Variants in LRP2 observed in about 807,000 individuals in gnomAD.
LRP2 encodes low-density lipoprotein receptor-related protein 2.
In LRP2, 172 loss-of-function variants were observed where a neutral mutation model predicts 531.0. The observed-to-expected ratio is 0.32, with a 90% CI of 0.29 to 0.37. LRP2 has a LOEUF of 0.37. Among genes scored for constraint, LRP2 ranks in the 10% least tolerant of loss-of-function variants. The pLI is 1.00. For synonymous variants in LRP2, 1,992 were observed against 2,027.6 expected, an observed-to-expected ratio of 0.98 and a Z score of 0.47; for missense variants, 5,167 against 5,868.3, an observed-to-expected ratio of 0.88 and a Z score of 3.90.
In LRP2 at chr2:169,127,534, A is replaced by AAT. The variant is rs1685139389; in HGVS notation, c.*1128_*1129insAT. On this transcript the variant is annotated 3_prime_UTR_variant, in exon 79 of 79. Coordinates refer to ENST00000649046, the MANE Select transcript of LRP2 (RefSeq NM_004525.3). ...GGCAATATAGCAAGACTCCATCTCT[A>AAT]AAAAAAAAAAAAAAAAAAAAACCAA... The AAT allele has an allele frequency of 2.1e-4, 1 of 4,838 alleles. No homozygotes were observed. The highest frequency in any genetic ancestry group is 4.5e-4 in the Non-Finnish European group (1 of 2,236). 0.3% of individuals were successfully genotyped at this position (4,838 alleles called of 1,614,324 possible). A position where few individuals can be genotyped will look rare whatever the true frequency, so the allele number is the denominator to read the frequency against.
chr2:169,270,813 A>T (rs1195398144), intron 16 of LRP2, 91 bp downstream of exon 16: 1 of 645,056 alleles, frequency 1.6e-6, no homozygotes, highest in African/African-American at 1.9e-5. Context: ...AAAATTAGAT[A>T]CTGAGTTTTA....
intron 1 of LRP2, among the ~76,000 whole-genome samples, chr2:169,333,541 C>A (rs1371829800): frequency 6.6e-6 from 1 of 151,394 alleles, no homozygotes; most frequent in Non-Finnish European, 1.5e-5. Context: ...AGGGAGGGGG[C>A]TACAAGAGTA....
chr2:169,279,672 A>C lies in LRP2; in HGVS notation c.1342-77T>G. 3.4e-6 allele frequency: 3 copies of C among 877,462 alleles called. No individual in the cohort carries two copies. The Admixed American group carries it at 6.4e-5, about 19-fold the overall frequency. 54.4% of individuals were successfully genotyped at this position (877,462 alleles called of 1,614,324 possible). A position where few individuals can be genotyped will look rare whatever the true frequency, so the allele number is the denominator to read the frequency against. On this transcript the variant is annotated intron_variant, in intron 11 of 78. Transcript: ENST00000649046. Reference sequence around the variant, plus strand: ...GTTTGTTTTGATTTTTTTTAGCTATAATCAAATCAGAAGTGCTAAAAATCT... The same window carrying C: ...GTTTGTTTTGATTTTTTTTAGCTATCATCAAATCAGAAGTGCTAAAAATCT...
intron 31 of LRP2, 133 bp from the exon 32 acceptor site, chr2:169,226,721 G>T: frequency 1.4e-6 from 1 of 738,542 alleles, no homozygotes. Context: ...TAAATATAAT[G>T]TACTTCATCA....
chr2:169,222,588 T>C (rs1689058688), intron 33 of LRP2, among the ~76,000 whole-genome samples: 1 of 152,228 alleles, frequency 6.6e-6, no homozygotes, highest in African/African-American at 2.4e-5. Flanking sequence ...AAACCTCAGA[T>C]AGTACTGAAT....
chr2:169,205,608 T>C lies in LRP2; in HGVS notation c.7586A>G (p.His2529Arg), dbSNP rs139696516. 150 of 1,613,758 alleles carry C rather than the reference T, an allele frequency of 9.3e-5. No individual in the cohort carries two copies. The Middle Eastern group carries it at 9.9e-4, about 11-fold the overall frequency. ...GYLYWADWDT[H>R]AKIERATLGG... ...CAATGTGGCTCTCTCGATTTTGGCATGTGTATCCCAGTCAGCCCAGTACAG... is the reference window on the plus strand; with the variant it reads ...CAATGTGGCTCTCTCGATTTTGGCACGTGTATCCCAGTCAGCCCAGTACAG... Residue 2529 changes from histidine (H) to arginine (R), a missense_variant, in exon 41 of 79, where the codon CAT (histidine) becomes CGT (arginine). Coordinates refer to ENST00000649046, the MANE Select transcript of LRP2 (RefSeq NM_004525.3).
At chr2:169,225,228 C>A in intron 33 of LRP2, 82 bp downstream of exon 33, 1 of 1,430,454 alleles carries the variant, frequency 7.0e-7, no homozygotes, top group South Asian at 1.2e-5. Flanking sequence ...ATTCCAAAAT[C>A]CACGTGAGAT....
At chr2:169,186,176 G>A (rs189258369) in intron 49 of LRP2, among the ~76,000 whole-genome samples, 157 bp from the exon 50 acceptor site, 4 of 152,270 alleles carry the variant, frequency 2.6e-5, no homozygotes, top group Admixed American at 2.0e-4. Context: ...TTATTGAAAA[G>A]TCACTATTTT....
intron 41 of LRP2, among the ~76,000 whole-genome samples, chr2:169,204,501 AC>A (rs1445929356): frequency 1.3e-5 from 2 of 152,296 alleles, no homozygotes; most frequent in African/African-American, 4.8e-5. Flanking sequence ...TAGTAATCCT[AC>A]AAAAGGAATC....
chr2:169,204,050 T>A lies in LRP2; in HGVS notation c.7937A>T (p.Asn2646Ile). The A allele has an allele frequency of 6.2e-7, 1 of 1,614,194 alleles. No individual in the cohort carries two copies. The highest frequency in any genetic ancestry group is 8.5e-7 in the Non-Finnish European group (1 of 1,179,992). Residue 2646 changes from asparagine to isoleucine, a missense_variant, in exon 42 of 79, where the codon AAC becomes ATC. Physicochemically the swap from Asn to Ile is moderately radical, Grantham distance 149. Around this residue, in one of 6 missense-constraint regions of LRP2, gnomAD observed 1,129 missense variants for 1,362.7 expected, o/e 0.83. Transcript: ENST00000649046. Reference sequence around the variant, plus strand: ...AGGATTGTTACACTGTTGTTTCTGGTTCTTCACAACAGTGTTGATTCCCCT... The same window carrying A: ...AGGATTGTTACACTGTTGTTTCTGGATCTTCACAACAGTGTTGATTCCCCT... ...QPRGINTVVKNQKQQCNNPCE... is the reference protein window; with the variant it reads ...QPRGINTVVKIQKQQCNNPCE...
At chr2:169,270,540 G>A (rs1251680154) in intron 16 of LRP2, among the ~76,000 whole-genome samples, 1 of 150,076 alleles carries the variant, frequency 6.7e-6, no homozygotes, top group Non-Finnish European at 1.5e-5. Context: ...CTCACTCACA[G>A]GTGGGAATTG....
chr2:169,163,393 A>T (rs1686658566), intron 62 of LRP2, among the ~76,000 whole-genome samples: 1 of 152,216 alleles, frequency 6.6e-6, no homozygotes, highest in African/African-American at 2.4e-5. Context: ...AGCCACCTGT[A>T]TCTACATCCC....
At chr2:169,327,669 G>GT (rs1685126042) in intron 1 of LRP2, among the ~76,000 whole-genome samples, 1 of 82,258 alleles carries the variant, frequency 1.2e-5, no homozygotes, top group Non-Finnish European at 2.4e-5. Flanking sequence ...GGGGGGCTCA[G>GT]CCCCCTCCCG....
intron 47 of LRP2, among the ~76,000 whole-genome samples, chr2:169,192,572 G>A (rs940470025): frequency 6.6e-6 from 1 of 152,100 alleles, no homozygotes; most frequent in African/African-American, 2.4e-5. Flanking sequence ...CTACATTATA[G>A]CTACCACCCC....
At chr2:169,192,115 A>G (rs1391612153) in intron 47 of LRP2, 82 bp from the exon 48 acceptor site, 10 of 1,033,218 alleles carry the variant, frequency 9.7e-6, no homozygotes, top group Non-Finnish European at 1.4e-5. Context: ...GTTACTTACC[A>G]TTCTAAGTAT....
chr2:169,279,564 A>C lies in LRP2; in HGVS notation c.1373T>G (p.Ile458Ser), dbSNP rs1482158691. Residue 458 changes from isoleucine (I) to serine (S), a missense_variant, in exon 12 of 79, where the codon ATC becomes AGC. Transcript: ENST00000649046. Reference protein sequence around the residue: ...VFSVDINGLNIQEVLNVSVET... With the variant: ...VFSVDINGLNSQEVLNVSVET... ...AACAGAAACATTGAGAACCTCTTGGATATTTAAACCATTAATGTCAACTGA... is the reference window on the plus strand; with the variant it reads ...AACAGAAACATTGAGAACCTCTTGGCTATTTAAACCATTAATGTCAACTGA... 11 of 1,613,626 alleles carry C rather than the reference A, an allele frequency of 6.8e-6. No homozygotes were observed. Among genetic ancestry groups the C allele is most frequent in the Non-Finnish European group, 9.3e-6 (11 of 1,179,592 alleles).
intron 15 of LRP2, among the ~76,000 whole-genome samples, chr2:169,271,939 T>G (rs1253704845): frequency 4.6e-5 from 7 of 151,972 alleles, no homozygotes; most frequent in African/African-American, 1.4e-4. Flanking sequence ...GTCAAGAAGA[T>G]GAAGGAGGTA....
chr2:169,331,486 T>C (rs1344910163), intron 1 of LRP2, among the ~76,000 whole-genome samples: 1 of 151,706 alleles, frequency 6.6e-6, no homozygotes, highest in Non-Finnish European at 1.5e-5. Context: ...CTCTATCAGC[T>C]AAGTCACTGA....
rs889149922 is a variant in LRP2 at position 169,326,363 on chromosome 2, G to A, written c.80-5479C>T. The stretch of plus-strand genomic sequence containing the variant: ...GCCGAGTGCCTGCGATTGCAGGCGC[G>A]CGCCACCACGCCTGACTGGTTTTCG... On this transcript the variant is annotated intron_variant, in intron 1 of 78. Coordinates refer to ENST00000649046, the MANE Select transcript of LRP2 (RefSeq NM_004525.3). Among the ~76,000 whole-genome samples the A allele has an allele frequency of 5.7e-4, 86 of 151,904 alleles. No individual in the cohort carries two copies. In the Middle Eastern group the frequency reaches 0.017, roughly 30 times the overall value.
Sources: gnomAD v4.1 joint callset for allele counts (sites outside exome capture counted in the v4.1 genomes callset) on GRCh38, gnomAD v4.1.1 for gene constraint, gnomAD v4.1.1 regional missense constraint, MANE v1.5 for transcripts, NCBI Gene and HGNC (gene_info 2026-07-23, HGNC 2026-07-21) for gene names.